The following PKD1L1 variants were observed in gnomAD, a reference collection of about 807,000 sequenced individuals.
The protein encoded by PKD1L1 is polycystin-1-like protein 1.
In PKD1L1, 236 loss-of-function variants were observed where a neutral mutation model predicts 323.4. That is an observed-to-expected ratio of 0.73 (90% CI 0.66 to 0.81). The LOEUF is 0.81. PKD1L1 is among the 40% of genes least tolerant of loss of function. The pLI, the probability that PKD1L1 is intolerant of heterozygous loss-of-function variation, is 0.00. For missense variants in PKD1L1, 3,320 were observed against 3,508.0 expected, an observed-to-expected ratio of 0.95 and a Z score of 1.35; for synonymous variants, 1,344 against 1,335.0, an observed-to-expected ratio of 1.01 and a Z score of -0.15.
chr7:47,790,492 G>A (rs549978616), intron 56 of PKD1L1, among the ~76,000 whole-genome samples: 6 of 149,508 alleles, frequency 4.0e-5, no homozygotes, highest in Admixed American at 2.0e-4. Flanking sequence ...CACCATACTC[G>A]GCTAATTTTT....
upstream of PKD1L1, among the ~76,000 whole-genome samples, chr7:47,952,540 G>A (rs919342232): frequency 6.6e-6 from 1 of 152,186 alleles, no homozygotes; most frequent in Non-Finnish European, 1.5e-5. Context: ...GAAATCTCAT[G>A]CCCAGAAGAG....
At chr7:47,949,368 CAAAA>C (rs58131581), upstream of PKD1L1, among the ~76,000 whole-genome samples, 7 of 57,144 alleles carry the variant, frequency 1.2e-4, no homozygotes, top group African/African-American at 2.7e-4. Context: ...GGCTCTGTCT[CAAAA>C]AAAAAAAAAA....
intron 25 of PKD1L1, among the ~76,000 whole-genome samples, chr7:47,865,797 G>A (rs1186529659): frequency 2.0e-5 from 3 of 147,198 alleles, no homozygotes; most frequent in Non-Finnish European, 3.0e-5. Flanking sequence ...GGGTTTCACT[G>A]TGTTAGCCAG....
chr7:47,855,028 T>A lies in PKD1L1; in HGVS notation c.4713A>T (p.Arg1571Ser). Residue 1571 changes from arginine (R) to serine (S), a missense_variant, in exon 30 of 57, where the codon AGA becomes AGT. Arg to Ser is a moderately radical substitution (Grantham distance 110, BLOSUM62 -1). Transcript: ENST00000289672. Reference sequence around the variant, plus strand: ...GAAGTAATACAAATGTCGTTTTATTTCTCCTATTATCCTGTCATCACAAAG... The same window carrying A: ...GAAGTAATACAAATGTCGTTTTATTACTCCTATTATCCTGTCATCACAAAG... ...FGEEDGLDNR[R>S]NKTTFVLLRD... is the part of the protein sequence containing the mutation. 2 of 1,612,554 alleles carry A rather than the reference T, an allele frequency of 1.2e-6. No individual in the cohort carries two copies. Among genetic ancestry groups the A allele is most frequent in the African/African-American group, 2.7e-5 (2 of 74,900 alleles).
the PKD1L1 span, among the ~76,000 whole-genome samples, chr7:47,959,030 G>A: frequency 1.3e-5 from 2 of 152,278 alleles, no homozygotes; most frequent in Non-Finnish European, 2.9e-5. Flanking sequence ...CGCTGTGTTG[G>A]CCGGGCTGGT....
At chr7:47,917,610 C>T (rs994333028) in intron 7 of PKD1L1, among the ~76,000 whole-genome samples, 4 of 152,152 alleles carry the variant, frequency 2.6e-5, no homozygotes, top group South Asian at 4.1e-4. Context: ...TAAAGGAAAA[C>T]GTATCAGATT....
chr7:47,947,922 C>G (rs1312525962), intron 1 of PKD1L1, among the ~76,000 whole-genome samples: 2 of 151,784 alleles, frequency 1.3e-5, no homozygotes, highest in African/African-American at 4.8e-5. Context: ...GAGCCAAGAT[C>G]GCACCTCTGC....
chr7:47,957,882 G>C, the PKD1L1 span, among the ~76,000 whole-genome samples: 1 of 76,462 alleles, frequency 1.3e-5, no homozygotes, highest in Non-Finnish European at 3.3e-5. Flanking sequence ...TATATATCTA[G>C]AAATAAACTT....
rs1026712966 is a variant in PKD1L1 at position 47,946,184 on chromosome 7, T to C, written c.44+2213A>G. ...CTGTCGGGGAACAGGATGATACTGA[T>C]GGCTCAAACACAGTCTCTGAGGCAT... is the stretch of plus-strand genomic sequence containing the variant. On this transcript the variant is annotated intron_variant, in intron 1 of 56. Transcript: ENST00000289672. This position sits in a 1 kb window ranked among gnomAD's most constrained non-coding sequence, Gnocchi z 4.1. 1.3e-5 allele frequency among the ~76,000 whole-genome samples: 2 copies of C among 152,140 alleles called. No homozygotes were observed. Among genetic ancestry groups the C allele is most frequent in the African/African-American group, 4.8e-5 (2 of 41,428 alleles).
At chr7:47,869,836 C>A (rs1214141023) in intron 24 of PKD1L1, among the ~76,000 whole-genome samples, 3 of 152,008 alleles carry the variant, frequency 2.0e-5, no homozygotes, top group African/African-American at 7.2e-5. Context: ...ATATAGTAGG[C>A]CACAAACAAA....
intron 12 of PKD1L1, among the ~76,000 whole-genome samples, chr7:47,903,676 A>G (rs1787139469): frequency 6.6e-6 from 1 of 152,104 alleles, no homozygotes; most frequent in South Asian, 2.1e-4. Flanking sequence ...TTTTCTAGAT[A>G]CTTCTGCACC....
intron 56 of PKD1L1, among the ~76,000 whole-genome samples, chr7:47,787,983 T>C (rs1786850000): frequency 6.6e-6 from 1 of 152,188 alleles, no homozygotes; most frequent in African/African-American, 2.4e-5. Flanking sequence ...AGTGCTTGTA[T>C]TGTAGGCGGG....
chr7:47,931,063 T>C (rs770464747), intron 6 of PKD1L1, 41 bp downstream of exon 6: 13 of 1,579,200 alleles, frequency 8.2e-6, no homozygotes, highest in East Asian at 4.5e-5. Flanking sequence ...AGACTGGGGA[T>C]TGGAGAAGTG....
intron 14 of PKD1L1, among the ~76,000 whole-genome samples, chr7:47,895,752 C>T (rs1305529379): frequency 1.3e-5 from 2 of 152,034 alleles, no homozygotes; most frequent in Non-Finnish European, 2.9e-5. Context: ...AATTAGTTTA[C>T]GGTTGGTGTT....
rs57445026 is a variant in PKD1L1 at position 47,902,059 on chromosome 7, A to AAAAGAAAAGAAAAGAAAAGAAAAGAAAAG, written c.2064+319_2064+320insCTTTTCTTTTCTTTTCTTTTCTTTTCTTT. ...GAAAAGAAAAGAAAAGAAAAGAAAA[A>AAAAGAAAAGAAAAGAAAAGAAAAGAAAAG]AAAGAAAAGAAAAGAGCTCCTTAAA... On this transcript the variant is annotated intron_variant, in intron 13 of 56. Transcript: ENST00000289672. Among the ~76,000 whole-genome samples the AAAAGAAAAGAAAAGAAAAGAAAAGAAAAG allele has an allele frequency of 9.3e-3, 1,127 of 120,588 alleles. 25 individuals are homozygous for AAAAGAAAAGAAAAGAAAAGAAAAGAAAAG. The highest frequency in any genetic ancestry group is 0.031 in the African/African-American group (1,081 of 35,366). 79.1% of individuals were successfully genotyped at this position (120,588 alleles called of 152,430 possible).
At chr7:47,942,770 G>C (rs561295189) in intron 2 of PKD1L1, among the ~76,000 whole-genome samples, 1 of 152,070 alleles carries the variant, frequency 6.6e-6, no homozygotes, top group East Asian at 1.9e-4. Flanking sequence ...GGTTGTTCTC[G>C]AAGTGTGGCC....
At chr7:47,829,978 C>T (rs1785310953) in intron 43 of PKD1L1, 62 bp downstream of exon 43, 1 of 1,468,010 alleles carries the variant, frequency 6.8e-7, no homozygotes, top group South Asian at 1.1e-5. Flanking sequence ...GCCTCTATTT[C>T]CCCTTCCCAT....
chr7:47,926,260 A>G (rs907211104), intron 7 of PKD1L1, among the ~76,000 whole-genome samples: 1 of 152,256 alleles, frequency 6.6e-6, no homozygotes, highest in Admixed American at 6.5e-5. Context: ...TCACCCAGAC[A>G]CTCCCTTCTA....
chr7:47,928,594 GA>G (rs1417701138), intron 7 of PKD1L1, among the ~76,000 whole-genome samples: 1 of 151,612 alleles, frequency 6.6e-6, no homozygotes, highest in African/African-American at 2.4e-5. Flanking sequence ...AAGAACGAAA[GA>G]AAAAAAGAAA....
Sources: allele counts gnomAD v4.1 joint callset (sites outside exome capture counted in the v4.1 genomes callset), GRCh38; gene constraint gnomAD v4.1.1; non-coding constraint Gnocchi (gnomAD v3.1); transcripts MANE v1.5; gene names NCBI Gene and HGNC (gene_info 2026-07-23, HGNC 2026-07-21).